The following MYLK4 variants were observed in gnomAD, a reference collection of about 807,000 sequenced individuals.
MYLK4 encodes the protein caMLCK like.
In MYLK4, 46 loss-of-function variants were observed where a neutral mutation model predicts 48.1. The observed-to-expected ratio is 0.96, with a 90% CI of 0.75 to 1.22. The LOEUF is 1.22. MYLK4 is among the 50% of genes most tolerant of loss of function. The pLI, the probability that MYLK4 is intolerant of heterozygous loss-of-function variation, is 0.00. For missense variants in MYLK4, 451 were observed against 486.1 expected, an observed-to-expected ratio of 0.93 and a Z score of 0.68; for synonymous variants, 170 against 180.8, an observed-to-expected ratio of 0.94 and a Z score of 0.48.
the MYLK4 span, among the ~76,000 whole-genome samples, chr6:2,762,862 T>C: frequency 2.6e-5 from 4 of 152,174 alleles, no homozygotes; most frequent in African/African-American, 9.7e-5. Flanking sequence ...GCCAGTGGGT[T>C]CAGTGGGTTT....
At chr6:2,767,864 A>G in the MYLK4 span, among the ~76,000 whole-genome samples, 1 of 152,202 alleles carries the variant, frequency 6.6e-6, no homozygotes, top group Non-Finnish European at 1.5e-5. Flanking sequence ...TGCGAGCCTG[A>G]TTCCAAAAGG....
At chr6:2,762,530 G>A in the MYLK4 span, among the ~76,000 whole-genome samples, 1 of 152,194 alleles carries the variant, frequency 6.6e-6, no homozygotes. Flanking sequence ...TTTAAAATCA[G>A]TGTACTGTAT....
At chr6:2,725,497 G>C (rs1435704594) in intron 2 of MYLK4, among the ~76,000 whole-genome samples, 1 of 150,694 alleles carries the variant, frequency 6.6e-6, no homozygotes, top group Non-Finnish European at 1.5e-5. Flanking sequence ...AAGAAAGAGA[G>C]GGGGAGAGAG....
At chr6:2,765,942 G>A in the MYLK4 span, 1 of 1,443,838 alleles carries the variant, frequency 6.9e-7, no homozygotes. Flanking sequence ...GAGACCGAGA[G>A]CCGCGAGAGC....
the MYLK4 span, chr6:2,766,408 C>G: frequency 6.2e-7 from 1 of 1,600,274 alleles, no homozygotes; most frequent in Non-Finnish European, 8.5e-7. Context: ...ACGAAATCCC[C>G]TCGCTTATCC....
At chr6:2,763,729 G>C in the MYLK4 span, among the ~76,000 whole-genome samples, 1 of 152,240 alleles carries the variant, frequency 6.6e-6, no homozygotes. Context: ...TACAGCGGCA[G>C]GCTGAAGGGT....
At chr6:2,762,718 A>G in the MYLK4 span, among the ~76,000 whole-genome samples, 1 of 152,218 alleles carries the variant, frequency 6.6e-6, no homozygotes, top group African/African-American at 2.4e-5. Context: ...GAAACTGTTA[A>G]CAGTTCTTAA....
intron 2 of MYLK4, among the ~76,000 whole-genome samples, chr6:2,694,535 A>ATG (rs1761966421): frequency 8.7e-4 from 3 of 3,442 alleles, no homozygotes; most frequent in African/African-American, 1.1e-3. Context: ...TGGTGGTAGT[A>ATG]GTGTTGGTTG....
intron 2 of MYLK4, among the ~76,000 whole-genome samples, chr6:2,718,005 AC>A (rs1303751446): frequency 6.6e-6 from 1 of 151,956 alleles, no homozygotes; most frequent in African/African-American, 2.4e-5. Context: ...ACATGGAGAA[AC>A]CCCGTCTCTA....
rs9392419 is a variant in MYLK4, at chr6:2,713,963, T to A, written c.160-21104A>T. Among the ~76,000 whole-genome samples, 162 of 152,340 alleles carry A rather than the reference T, an allele frequency of 1.1e-3. 1 individual carries two copies. In the East Asian group the frequency reaches 0.03, roughly 28 times the overall value. On this transcript the variant is annotated intron_variant, in intron 2 of 12. Coordinates refer to ENST00000274643, the MANE Select transcript of MYLK4 (RefSeq NM_001012418.5). The stretch of plus-strand genomic sequence containing the variant: ...CAAACCACAATGAGATAACACCTTA[T>A]ACCCATTAGGATGTCTACTGACAAA...
chr6:2,748,812 G>T (rs904837613), intron 2 of MYLK4, among the ~76,000 whole-genome samples: 5 of 152,210 alleles, frequency 3.3e-5, no homozygotes, highest in African/African-American at 1.2e-4. Context: ...GCAGAACAGT[G>T]TGCCTCTCAG....
intron 2 of MYLK4, among the ~76,000 whole-genome samples, chr6:2,694,469 G>T (rs1014544478): frequency 7.8e-6 from 1 of 127,470 alleles, no homozygotes; most frequent in Non-Finnish European, 1.7e-5. Flanking sequence ...TAGTGATGAT[G>T]ATGATGATGA....
intron 2 of MYLK4, among the ~76,000 whole-genome samples, chr6:2,704,673 G>A (rs79547564): frequency 0.03 from 4,547 of 152,244 alleles, 204 homozygotes; most frequent in East Asian, 0.24. Context: ...TTAGAGTTAG[G>A]GATTGTTGCT....
rs1761432857 is a variant in MYLK4 at position 2,684,076 on chromosome 6, A to G, written c.546-914T>C. On this transcript the variant is annotated intron_variant, in intron 6 of 12. Coordinates refer to ENST00000274643, the MANE Select transcript of MYLK4 (RefSeq NM_001012418.5). ...AAATTAAGCACAGTAAGGGATTAACAACAATAACTACGAGTAAAATAGAAC... is the reference window on the plus strand; with the variant it reads ...AAATTAAGCACAGTAAGGGATTAACGACAATAACTACGAGTAAAATAGAAC... Among the ~76,000 whole-genome samples, 3 of 152,230 alleles carry G rather than the reference A, an allele frequency of 2.0e-5. No individual in the cohort carries two copies. In the East Asian group the frequency reaches 5.8e-4, roughly 29 times the overall value.
chr6:2,763,930 T>A, the MYLK4 span, among the ~76,000 whole-genome samples: 1 of 151,970 alleles, frequency 6.6e-6, no homozygotes, highest in African/African-American at 2.4e-5. Context: ...GCGGATCACC[T>A]GAGGTCGGGA....
At chr6:2,703,974 C>T (rs879476687) in intron 2 of MYLK4, among the ~76,000 whole-genome samples, 10 of 152,152 alleles carry the variant, frequency 6.6e-5, no homozygotes, top group Admixed American at 1.3e-4. Flanking sequence ...CACTCCCCTC[C>T]CATATGTTCT....
Position 2,683,123 on chromosome 6 carries a change from C to T in MYLK4, c.585G>A (p.Glu195=), listed in dbSNP as rs1761377016. Residue 195 remains glutamate (E), a synonymous_variant, in exon 7 of 13, where the codon GAG becomes GAA. Transcript: ENST00000274643. The stretch of plus-strand genomic sequence containing the variant: ...TATCAAGCTCCGTCAAATTGTAGCT[C>T]TCATCGATGATGCGGTCAAACAGCT... ...GGELFDRIID[E]SYNLTELDTI... The T allele has an allele frequency of 6.2e-7, 1 of 1,614,132 alleles. No homozygotes were observed. The highest frequency in any genetic ancestry group is 8.5e-7 in the Non-Finnish European group (1 of 1,180,022).
intron 2 of MYLK4, among the ~76,000 whole-genome samples, chr6:2,730,532 G>A (rs1763442656): frequency 6.6e-6 from 1 of 152,110 alleles, no homozygotes; most frequent in East Asian, 1.9e-4. Flanking sequence ...CTCTTACTCA[G>A]CACTTTTAAT....
At chr6:2,702,894 T>C (rs1203906250) in intron 2 of MYLK4, among the ~76,000 whole-genome samples, 2 of 152,198 alleles carry the variant, frequency 1.3e-5, no homozygotes, top group Non-Finnish European at 2.9e-5. Flanking sequence ...CCTCAATATA[T>C]GAAGAACATG....
Sources: allele counts gnomAD v4.1 joint callset (sites outside exome capture counted in the v4.1 genomes callset), GRCh38; gene constraint gnomAD v4.1.1; transcripts MANE v1.5; gene names NCBI Gene and HGNC (gene_info 2026-07-23, HGNC 2026-07-21).